Variants in RASGRF2 observed in about 807,000 individuals in gnomAD.
The protein encoded by RASGRF2 is ras-specific guanine nucleotide-releasing factor 2.
A neutral mutation model predicts 151.0 loss-of-function variants in RASGRF2; 76 were observed. The ratio of observed to expected loss-of-function variants is 0.50; its 90% CI spans 0.42 to 0.61. The LOEUF is 0.61. Ranked by LOEUF, RASGRF2 falls within the 20% of genes least tolerant of loss-of-function variation. The pLI, the probability that RASGRF2 is intolerant of heterozygous loss-of-function variation, is 0.00. For synonymous variants in RASGRF2, 504 were observed against 566.5 expected (o/e 0.89, Z 1.57); for missense variants, 1,148 against 1,564.6 (o/e 0.73, Z 4.49).
intron 17 of RASGRF2, among the ~76,000 whole-genome samples, chr5:81,133,145 T>A (rs1479456062): frequency 1.3e-5 from 2 of 152,180 alleles, no homozygotes; most frequent in Non-Finnish European, 2.9e-5. Context: ...ATGGCATCAA[T>A]TAAATATGAA....
At chr5:81,211,251 G>A (rs896142647) in intron 22 of RASGRF2, among the ~76,000 whole-genome samples, 5 of 151,522 alleles carry the variant, frequency 3.3e-5, no homozygotes, top group African/African-American at 9.7e-5. Context: ...AAACCCCACC[G>A]TGAATAGACT....
At chr5:81,042,004 T>C (rs889376932) in intron 1 of RASGRF2, among the ~76,000 whole-genome samples, 26 of 152,230 alleles carry the variant, frequency 1.7e-4, no homozygotes, top group African/African-American at 6.3e-4. Context: ...ATGTTATTGT[T>C]TTTATCAAGA....
chr5:81,127,733 G>A (rs959234853), intron 17 of RASGRF2, among the ~76,000 whole-genome samples: 11 of 150,790 alleles, frequency 7.3e-5, no homozygotes. Flanking sequence ...AGACTAGCCT[G>A]GACAACATGG....
chr5:81,117,394 C>T (rs753865375), intron 15 of RASGRF2, among the ~76,000 whole-genome samples: 1 of 152,234 alleles, frequency 6.6e-6, no homozygotes, highest in South Asian at 2.1e-4. Context: ...AACACATAGA[C>T]GTGAAAGAGA....
chr5:81,210,529 C>T (rs750767492), intron 22 of RASGRF2, among the ~76,000 whole-genome samples: 4 of 152,200 alleles, frequency 2.6e-5, no homozygotes, highest in African/African-American at 4.8e-5. Flanking sequence ...GTGCTCTAAA[C>T]TCACTGAGTC....
At chr5:80,991,831 C>T (rs1016006363) in intron 1 of RASGRF2, among the ~76,000 whole-genome samples, 2 of 152,140 alleles carry the variant, frequency 1.3e-5, no homozygotes, top group East Asian at 3.8e-4. Context: ...AACCCTTTGC[C>T]AGGGACAGTG....
chr5:81,146,665 C>T (rs1186601614), intron 17 of RASGRF2, among the ~76,000 whole-genome samples: 5 of 152,032 alleles, frequency 3.3e-5, no homozygotes, highest in Non-Finnish European at 7.4e-5. Flanking sequence ...TAAAATTTGT[C>T]GGGGTGCGGC....
At chr5:81,089,814 A>G (rs1752339742) in intron 9 of RASGRF2, among the ~76,000 whole-genome samples, 1 of 152,218 alleles carries the variant, frequency 6.6e-6, no homozygotes, top group African/African-American at 2.4e-5. Flanking sequence ...GATTGTTGTA[A>G]AAATGAGCTA....
chr5:81,052,774 G>A (rs1580256053), intron 2 of RASGRF2, among the ~76,000 whole-genome samples: 1 of 152,126 alleles, frequency 6.6e-6, no homozygotes, highest in South Asian at 2.1e-4. Flanking sequence ...AGCAAATGTT[G>A]CTTTGATAGG....
intron 17 of RASGRF2, among the ~76,000 whole-genome samples, chr5:81,133,960 T>A (rs959045997): frequency 2.6e-5 from 4 of 152,052 alleles, no homozygotes; most frequent in Non-Finnish European, 5.9e-5. Context: ...ACTGATGATA[T>A]CTGGTCCTAT....
intron 1 of RASGRF2, among the ~76,000 whole-genome samples, chr5:81,036,335 A>G (rs976173014): frequency 4.6e-5 from 7 of 152,062 alleles, no homozygotes; most frequent in African/African-American, 1.4e-4. Context: ...CCTGTTCTGT[A>G]TATATAATTA....
At chr5:81,043,849 T>C (rs187449081) in intron 2 of RASGRF2, among the ~76,000 whole-genome samples, 1 of 152,262 alleles carries the variant, frequency 6.6e-6, no homozygotes, top group African/African-American at 2.4e-5. Context: ...CCTCTACCAC[T>C]CCCGCCCTGA....
chr5:81,043,864 T>A (rs1181601631), intron 2 of RASGRF2, among the ~76,000 whole-genome samples: 1 of 152,158 alleles, frequency 6.6e-6, no homozygotes, highest in African/African-American at 2.4e-5. Flanking sequence ...CCCTGAGACA[T>A]CTCCCTGCAA....
chr5:81,225,594 G>T lies in RASGRF2; in HGVS notation c.3622-84G>T. On this transcript the variant is annotated intron_variant, in intron 26 of 26. Coordinates refer to ENST00000265080, the MANE Select transcript of RASGRF2 (RefSeq NM_006909.3). Reference sequence around the variant, plus strand: ...GATTTTTAGTTGTTTAAGAGAAAATGTTGAATTGTGTTAGATTCCGTCAGA... The same window carrying T: ...GATTTTTAGTTGTTTAAGAGAAAATTTTGAATTGTGTTAGATTCCGTCAGA... 17 of 1,472,284 alleles carry T rather than the reference G, an allele frequency of 1.2e-5. No individual in the cohort carries two copies. In the East Asian group the frequency reaches 1.4e-4, roughly 12 times the overall value. 91.2% of individuals were successfully genotyped at this position (1,472,284 alleles called of 1,614,324 possible).
intron 1 of RASGRF2, among the ~76,000 whole-genome samples, chr5:81,002,410 G>A (rs61373304): frequency 0.18 from 27,196 of 152,070 alleles, 2,514 homozygotes; most frequent in South Asian, 0.22. Context: ...TGTTTTAAAC[G>A]AATAATGATG....
At chr5:81,000,120 C>T (rs1175231895) in intron 1 of RASGRF2, among the ~76,000 whole-genome samples, 1 of 152,214 alleles carries the variant, frequency 6.6e-6, no homozygotes, top group Non-Finnish European at 1.5e-5. Flanking sequence ...GGTTCACATT[C>T]TGGTACCTGG....
At chr5:81,203,441 C>T (rs1755440565) in intron 19 of RASGRF2, among the ~76,000 whole-genome samples, 1 of 152,194 alleles carries the variant, frequency 6.6e-6, no homozygotes, top group Non-Finnish European at 1.5e-5. Flanking sequence ...AGACGTCAGT[C>T]AGTTGGAGTT....
intron 17 of RASGRF2, among the ~76,000 whole-genome samples, chr5:81,150,631 C>T (rs560185204): frequency 1.5e-4 from 23 of 152,180 alleles, no homozygotes; most frequent in East Asian, 9.7e-4. Flanking sequence ...TGTATGTGCA[C>T]GTGAACACAC....
At chr5:81,008,033 A>T (rs1480215354) in intron 1 of RASGRF2, among the ~76,000 whole-genome samples, 1 of 152,170 alleles carries the variant, frequency 6.6e-6, no homozygotes, top group Non-Finnish European at 1.5e-5. Flanking sequence ...TGATAGGCCA[A>T]AATTGCACTG....
Sources: gnomAD v4.1 joint callset for allele counts (sites outside exome capture counted in the v4.1 genomes callset) on GRCh38, gnomAD v4.1.1 for gene constraint, MANE v1.5 for transcripts, NCBI Gene and HGNC (gene_info 2026-07-23, HGNC 2026-07-21) for gene names.